PLEKHG1: variants seen among roughly 807,000 people sequenced by gnomAD.
PLEKHG1 encodes the protein pleckstrin homology domain-containing family G member 1.
PLEKHG1 carries 44 observed loss-of-function variants against 100.8 expected under a neutral mutation model. That is an observed-to-expected ratio of 0.44 (90% CI 0.34 to 0.56). PLEKHG1 has a LOEUF of 0.56. PLEKHG1 is among the 20% of genes least tolerant of loss of function. The pLI, the probability that PLEKHG1 is intolerant of heterozygous loss-of-function variation, is 0.01. For synonymous variants in PLEKHG1, 640 were observed against 662.5 expected, an observed-to-expected ratio of 0.97 and a Z score of 0.52; for missense variants, 1,545 against 1,720.9, an observed-to-expected ratio of 0.90 and a Z score of 1.81.
intron 1 of PLEKHG1, among the ~76,000 whole-genome samples, chr6:150,728,749 A>C (rs1583014962): frequency 6.6e-6 from 1 of 152,100 alleles, no homozygotes; most frequent in East Asian, 1.9e-4. Context: ...TACAAAAATT[A>C]GCCAGGCATG....
intron 3 of PLEKHG1, among the ~76,000 whole-genome samples, chr6:150,674,682 T>TCCCCCTCC (rs1779694952): frequency 2.9e-5 from 3 of 104,234 alleles, no homozygotes; most frequent in Non-Finnish European, 6.1e-5. Flanking sequence ...TCTCTCTCTC[T>TCCCCCTCC]CCCCCCTCTT....
At chr6:150,655,707 CAAAAAAA>C (rs775753925) in intron 3 of PLEKHG1, among the ~76,000 whole-genome samples, 33 of 38,378 alleles carry the variant, frequency 8.6e-4, no homozygotes, top group Admixed American at 1.7e-3. Flanking sequence ...GACTCCATCT[CAAAAAAA>C]AAAAAAAAAA....
At chr6:150,714,043 T>C (rs952791806) in intron 3 of PLEKHG1, among the ~76,000 whole-genome samples, 1 of 152,188 alleles carries the variant, frequency 6.6e-6, no homozygotes, top group Admixed American at 6.5e-5. Flanking sequence ...TTTTTTAGAG[T>C]GTTTCAAAAG....
chr6:150,771,825 A>C (rs1433648566), intron 3 of PLEKHG1, among the ~76,000 whole-genome samples: 1 of 152,206 alleles, frequency 6.6e-6, no homozygotes, highest in Non-Finnish European at 1.5e-5. Context: ...AAATGGTATT[A>C]TGCTGGCCTG....
rs199717834 is a variant in PLEKHG1, at chr6:150,831,743, C to G, written c.2632C>G (p.Pro878Ala). 2 of 1,613,690 alleles carry G rather than the reference C, an allele frequency of 1.2e-6. No individual in the cohort carries two copies. The highest frequency in any genetic ancestry group is 1.7e-5 in the Admixed American group (1 of 60,028). Residue 878 changes from proline (P) to alanine (A), a missense_variant, in exon 15 of 16, where the codon CCT (proline) becomes GCT (alanine). Coordinates refer to ENST00000358517, the Ensembl canonical transcript of PLEKHG1. This position sits in a 1 kb window ranked among gnomAD's most constrained non-coding sequence, Gnocchi z 4.1. ...AGACAGGCTGCACGCAGAGAGCACCCCTGAGCTGAGCCGGGACGTGGGGCG... is the reference window on the plus strand; with the variant it reads ...AGACAGGCTGCACGCAGAGAGCACCGCTGAGCTGAGCCGGGACGTGGGGCG...
rs971495772 is a variant in PLEKHG1 at position 150,729,210 on chromosome 6, G to A, written c.-98-4374G>A. ...GTAGCTGGGACTACAGGCACAGGCC[G>A]TCACACCTGGCTAATTTTTTGTATT... On this transcript the variant is annotated intron_variant, in intron 1 of 15. Coordinates refer to ENST00000358517, the Ensembl canonical transcript of PLEKHG1. Among the ~76,000 whole-genome samples, 7 of 152,146 alleles carry A rather than the reference G, an allele frequency of 4.6e-5. No homozygotes were observed. The East Asian group carries it at 9.6e-4, about 21-fold the overall frequency.
chr6:150,750,651 G>T (rs992437340), intron 2 of PLEKHG1, among the ~76,000 whole-genome samples: 15 of 149,654 alleles, frequency 1.0e-4, no homozygotes, highest in Non-Finnish European at 1.8e-4. Flanking sequence ...CGTAGTGGCG[G>T]GCGCCTGTAG....
At chr6:150,677,846 C>T (rs954408304) in intron 3 of PLEKHG1, among the ~76,000 whole-genome samples, 1 of 151,728 alleles carries the variant, frequency 6.6e-6, no homozygotes, top group African/African-American at 2.4e-5. Context: ...CACTGTACTC[C>T]AGCCTGGGTG....
At chr6:150,611,016 A>G (rs1776805194) in intron 1 of PLEKHG1, among the ~76,000 whole-genome samples, 1 of 152,198 alleles carries the variant, frequency 6.6e-6, no homozygotes, top group African/African-American at 2.4e-5. Flanking sequence ...CTTCTGATAT[A>G]TGGGGAGGGC....
At chr6:150,792,059 G>A (rs1455927534) in intron 4 of PLEKHG1, among the ~76,000 whole-genome samples, 3 of 152,158 alleles carry the variant, frequency 2.0e-5, no homozygotes, top group Non-Finnish European at 2.9e-5. Flanking sequence ...AAGAATGAGT[G>A]TAGCTAATCA....
At chr6:150,649,140 A>C (rs1218691847) in intron 2 of PLEKHG1, among the ~76,000 whole-genome samples, 1 of 152,180 alleles carries the variant, frequency 6.6e-6, no homozygotes, top group Admixed American at 6.5e-5. Flanking sequence ...TCAATGAAAA[A>C]GTACTCGTGT....
chr6:150,706,224 A>G (rs919937072), intron 3 of PLEKHG1, among the ~76,000 whole-genome samples: 27 of 152,174 alleles, frequency 1.8e-4, no homozygotes, highest in Non-Finnish European at 3.7e-4. Flanking sequence ...AAGGGTGGGT[A>G]AATGTTAGCA....
chr6:150,797,834 CAAAAAAAAAAAAAAA>C (rs58218481), intron 5 of PLEKHG1, among the ~76,000 whole-genome samples: 77 of 23,908 alleles, frequency 3.2e-3, no homozygotes, highest in Middle Eastern at 0.036. Flanking sequence ...GACTCTGTCT[CAAAAAAAAAAAAAAA>C]AAAAAAAAAA....
At chr6:150,659,277 T>C (rs1409233681) in intron 3 of PLEKHG1, among the ~76,000 whole-genome samples, 1 of 152,204 alleles carries the variant, frequency 6.6e-6, no homozygotes, top group Non-Finnish European at 1.5e-5. Context: ...GCTTGCTCTG[T>C]AAGCTCCAAG....
intron 1 of PLEKHG1, among the ~76,000 whole-genome samples, chr6:150,623,466 G>C (rs1562390087): frequency 6.6e-6 from 1 of 152,322 alleles, no homozygotes; most frequent in Admixed American, 6.5e-5. Context: ...ATGATCAGAT[G>C]ATGAGGCAGG....
intron 2 of PLEKHG1, among the ~76,000 whole-genome samples, chr6:150,739,282 T>C (rs1184177660): frequency 6.6e-6 from 1 of 152,174 alleles, no homozygotes; most frequent in Non-Finnish European, 1.5e-5. Context: ...GAATTGTTAA[T>C]TACAACGTGA....
chr6:150,738,262 T>C (rs2128620608), intron 2 of PLEKHG1, among the ~76,000 whole-genome samples: 1 of 152,328 alleles, frequency 6.6e-6, no homozygotes, highest in African/African-American at 2.4e-5. Flanking sequence ...CCCCCATTAG[T>C]AGTACATTTT....
intron 10 of PLEKHG1, among the ~76,000 whole-genome samples, chr6:150,813,033 C>CGG (rs1276184647): frequency 1.5e-4 from 23 of 152,058 alleles, no homozygotes; most frequent in African/African-American, 5.3e-4. Flanking sequence ...TGGCCGGGCG[C>CGG]GGTGGCTCAC....
intron 1 of PLEKHG1, among the ~76,000 whole-genome samples, chr6:150,611,848 C>A (rs888531234): frequency 1.3e-5 from 2 of 151,392 alleles, no homozygotes; most frequent in African/African-American, 4.8e-5. Flanking sequence ...AATGACATTT[C>A]TCATAGAATA....
Sources: allele counts gnomAD v4.1 joint callset (sites outside exome capture counted in the v4.1 genomes callset), GRCh38; gene constraint gnomAD v4.1.1; non-coding constraint Gnocchi (gnomAD v3.1); transcripts MANE v1.5; gene names NCBI Gene and HGNC (gene_info 2026-07-23, HGNC 2026-07-21).